PLXDC1: variants seen among roughly 807,000 people sequenced by gnomAD.
PLXDC1 encodes the protein plexin domain-containing protein 1.
In PLXDC1, 39 loss-of-function variants were observed where a neutral mutation model predicts 61.3. The ratio of observed to expected loss-of-function variants is 0.64; its 90% CI spans 0.49 to 0.83. The LOEUF (loss-of-function observed/expected upper bound fraction) is 0.83, where lower values mean the gene tolerates loss of function less well. Among genes scored for constraint, PLXDC1 ranks in the 40% least tolerant of loss-of-function variants. The pLI is 0.00. For synonymous variants in PLXDC1, 212 were observed against 254.5 expected (o/e 0.83, Z 1.59); for missense variants, 596 against 666.5 (o/e 0.89, Z 1.17).
At chr17:39,117,376 C>G (rs950349129) in intron 2 of PLXDC1, among the ~76,000 whole-genome samples, 2 of 152,178 alleles carry the variant, frequency 1.3e-5, no homozygotes, top group African/African-American at 4.8e-5. Context: ...AGATCCCATT[C>G]CTATTGTACA....
At chr17:39,137,755 A>G (rs8076083) in intron 2 of PLXDC1, among the ~76,000 whole-genome samples, 2,806 of 152,136 alleles carry the variant, frequency 0.018, 99 homozygotes, top group African/African-American at 0.065. Context: ...GGTCAAGGGA[A>G]CAGGGGATCC....
chr17:39,136,734 T>TAACAAA (rs1911764356), intron 2 of PLXDC1, among the ~76,000 whole-genome samples: 1 of 151,994 alleles, frequency 6.6e-6, no homozygotes, highest in Admixed American at 6.6e-5. Context: ...GCTTTTTTGT[T>TAACAAA]AAAGAAAAAT....
chr17:39,087,293 G>A (rs1909778017), intron 8 of PLXDC1, among the ~76,000 whole-genome samples: 1 of 152,228 alleles, frequency 6.6e-6, no homozygotes, highest in Non-Finnish European at 1.5e-5. Context: ...CAGAGGTACA[G>A]CTTTCCCGGG....
chr17:39,152,655 G>A, upstream of PLXDC1: 1 of 1,240,130 alleles, frequency 8.1e-7, no homozygotes, highest in Non-Finnish European at 1.0e-6. Context: ...ACCGCGGAGA[G>A]GAAGGGTGCG....
chr17:39,108,386 C>T (rs567253332), intron 4 of PLXDC1, 141 bp from the exon 5 acceptor site: 11 of 865,170 alleles, frequency 1.3e-5, no homozygotes, highest in South Asian at 6.1e-5. Flanking sequence ...CCCCATCTGG[C>T]GGGCTCTGGG....
At chr17:39,125,711 G>T (rs1210911379) in intron 2 of PLXDC1, among the ~76,000 whole-genome samples, 5 of 152,126 alleles carry the variant, frequency 3.3e-5, no homozygotes, top group African/African-American at 1.2e-4. Flanking sequence ...CACATTTCAT[G>T]ATATCAAAAG....
chr17:39,081,271 C>A (rs1909545330), intron 9 of PLXDC1: 1 of 152,556 alleles, frequency 6.6e-6, no homozygotes, highest in South Asian at 2.1e-4. Flanking sequence ...CCTACATATT[C>A]TTTCTGAGGC....
chr17:39,108,699 C>T, intron 4 of PLXDC1: 2 of 593,548 alleles, frequency 3.4e-6, no homozygotes, highest in Non-Finnish European at 3.0e-6. Flanking sequence ...CACACACGTG[C>T]AGGCACATGA....
At chr17:39,135,297 T>A (rs1911708732) in intron 2 of PLXDC1, among the ~76,000 whole-genome samples, 1 of 152,174 alleles carries the variant, frequency 6.6e-6, no homozygotes, top group African/African-American at 2.4e-5. Context: ...GCAGAGGGGA[T>A]CACAAAGCCC....
chr17:39,135,749 C>T (rs952098855), intron 2 of PLXDC1, among the ~76,000 whole-genome samples: 4 of 151,820 alleles, frequency 2.6e-5, no homozygotes, highest in East Asian at 1.9e-4. Flanking sequence ...TCTGCAACTT[C>T]GCCAGGAACA....
intron 1 of PLXDC1, 25 bp from the exon 2 acceptor site, chr17:39,139,857 A>C (rs769178928): frequency 1.3e-6 from 2 of 1,576,968 alleles, no homozygotes; most frequent in Non-Finnish European, 1.7e-6. Flanking sequence ...CAGAAACCTG[A>C]GTGCCAGCAG....
At chr17:39,084,196 T>TA (rs1195567334) in intron 8 of PLXDC1, among the ~76,000 whole-genome samples, 2 of 152,180 alleles carry the variant, frequency 1.3e-5, no homozygotes, top group Non-Finnish European at 2.9e-5. Flanking sequence ...AGGGATTTTT[T>TA]AAAGGTCAGA....
intron 7 of PLXDC1, among the ~76,000 whole-genome samples, chr17:39,088,558 G>C (rs1489661077): frequency 2.0e-5 from 3 of 152,138 alleles, no homozygotes; most frequent in Non-Finnish European, 4.4e-5. Flanking sequence ...TTTTTAAAAT[G>C]ACAATCTGAG....
In PLXDC1 at chr17:39,139,972, G is replaced by C. The variant is rs1911881921; in HGVS notation, c.77-140C>G. The C allele has an allele frequency of 1.8e-5, 14 of 795,908 alleles. 1 individual carries two copies. The South Asian group carries it at 2.7e-4, about 15-fold the overall frequency. 49.3% of individuals were successfully genotyped at this position (795,908 alleles called of 1,614,324 possible). A position where few individuals can be genotyped will look rare whatever the true frequency, so the allele number is the denominator to read the frequency against. Reference sequence around the variant, plus strand: ...GACACTTGACTGACTACCAGGACAGGAGACACCCAATGTGTACTGAGAGTC... The same window carrying C: ...GACACTTGACTGACTACCAGGACAGCAGACACCCAATGTGTACTGAGAGTC... On this transcript the variant is annotated intron_variant, in intron 1 of 13. Transcript: ENST00000315392.
rs774749365 is a variant in PLXDC1 at position 39,069,985 on chromosome 17, C to A, written c.1254G>T (p.Lys418Asn). 8 of 1,613,876 alleles carry A rather than the reference C, an allele frequency of 5.0e-6. No individual in the cohort carries two copies. The Admixed American group carries it at 6.7e-5, about 13-fold the overall frequency. ...TGGTGCCCAGGTGCACAGGAGTGCC[C>A]TTTGTCTTGGGGGACAGGTTGTTCT... is the stretch of plus-strand genomic sequence containing the variant. ...GLQNNLSPKTKGTPVHLGTIV... is the reference protein window; with the variant it reads ...GLQNNLSPKTNGTPVHLGTIV... Residue 418 changes from lysine (K) to asparagine (N), a missense_variant, in exon 13 of 14, where the codon AAG (lysine) becomes AAT (asparagine). Coordinates refer to ENST00000315392, the MANE Select transcript of PLXDC1 (RefSeq NM_020405.5).
chr17:39,086,859 C>CAAAAAAAAAAAAAAAAAAAAAA lies in PLXDC1; in HGVS notation c.907+747_907+748insTTTTTTTTTTTTTTTTTTTTTT, dbSNP rs765774886. 1.7e-4 allele frequency among the ~76,000 whole-genome samples: 12 copies of CAAAAAAAAAAAAAAAAAAAAAA among 71,496 alleles called. 1 individual carries two copies. Among genetic ancestry groups the CAAAAAAAAAAAAAAAAAAAAAA allele is most frequent in the South Asian group, 7.1e-4 (1 of 1,404 alleles). The allele number at this position is 71,496 out of a possible 152,430, so 46.9% of individuals were successfully genotyped here. On this transcript the variant is annotated intron_variant, in intron 8 of 13. Coordinates refer to ENST00000315392, the MANE Select transcript of PLXDC1 (RefSeq NM_020405.5). ...CCTGGGCAACAGAGTGAGACTGTCT[C>CAAAAAAAAAAAAAAAAAAAAAA]AAAAAAAAAAAAAAAAAAAAAGAAG...
intron 2 of PLXDC1, among the ~76,000 whole-genome samples, chr17:39,134,312 C>A (rs12940574): frequency 6.6e-6 from 1 of 151,420 alleles, no homozygotes; most frequent in Non-Finnish European, 1.5e-5. Context: ...GCCCCAGTCA[C>A]AGCCCTGCAG....
At chr17:39,142,605 T>G (rs1398991886) in intron 1 of PLXDC1, among the ~76,000 whole-genome samples, 1 of 152,196 alleles carries the variant, frequency 6.6e-6, no homozygotes, top group East Asian at 1.9e-4. Context: ...ACTGTACGCT[T>G]GACCTCTCAG....
At chr17:39,082,096 A>G (rs1246160172) in intron 9 of PLXDC1, among the ~76,000 whole-genome samples, 1 of 152,232 alleles carries the variant, frequency 6.6e-6, no homozygotes, top group African/African-American at 2.4e-5. Context: ...AACACCTGGG[A>G]GACCTGATGG....
Sources: gnomAD v4.1 joint callset for allele counts (sites outside exome capture counted in the v4.1 genomes callset) on GRCh38, gnomAD v4.1.1 for gene constraint, MANE v1.5 for transcripts, NCBI Gene and HGNC (gene_info 2026-07-23, HGNC 2026-07-21) for gene names.